Variants in PGGT1B observed in about 807,000 individuals in gnomAD.
PGGT1B encodes the protein protein geranylgeranyltransferase type I subunit beta, also known as geranylgeranyl transferase type-1 subunit beta.
Under a neutral mutation model 46.1 loss-of-function variants are expected in PGGT1B, and 30 were observed. The ratio of observed to expected loss-of-function variants is 0.65; its 90% confidence interval spans 0.49 to 0.88. The LOEUF is 0.88. Among genes scored for constraint, PGGT1B ranks in the 40% least tolerant of loss-of-function variants. PGGT1B has a pLI of 0.00. For missense variants in PGGT1B, 376 were observed against 455.9 expected, an observed-to-expected ratio of 0.82 and a Z score of 1.60; for synonymous variants, 170 against 160.0, an observed-to-expected ratio of 1.06 and a Z score of -0.47.
chr5:115,234,166 G>GT (rs35683946), intron 5 of PGGT1B, among the ~76,000 whole-genome samples: 244 of 143,704 alleles, frequency 1.7e-3, no homozygotes, highest in Non-Finnish European at 3.1e-3. Context: ...TTGTATTGGT[G>GT]TTTTTTTTTT....
chr5:115,204,023 T>C lies in PGGT1B; in HGVS notation c.*8379A>G, dbSNP rs1755986123. The stretch of plus-strand genomic sequence containing the variant: ...CATTTGAGAAAACGTTTTCTTTGCA[T>C]ATCTGAGTATTTATTATGTTTTCGA... On this transcript the variant is annotated 3_prime_UTR_variant, in exon 9 of 9. Transcript: ENST00000419445. 1.3e-5 allele frequency: 2 copies of C among 152,264 alleles called. No homozygotes were observed. The highest frequency in any genetic ancestry group is 4.2e-4 in the South Asian group (2 of 4,818). 9.4% of individuals were successfully genotyped at this position (152,264 alleles called of 1,614,324 possible).
chr5:115,243,815 T>C (rs1226339975), intron 2 of PGGT1B, among the ~76,000 whole-genome samples: 1 of 152,188 alleles, frequency 6.6e-6, no homozygotes, highest in Non-Finnish European at 1.5e-5. Context: ...TCTTTGCTGG[T>C]AGGTATCCCT....
At position 115,241,616 on chromosome 5, in the gene PGGT1B, A is replaced by G. The variant is rs1435543737; in HGVS notation, c.260-10T>C. ...CGATTTAGATTTGATCCTAGAAAATAAAAGCATGTGCTTATTTAAAGTACA... is the reference window on the plus strand; with the variant it reads ...CGATTTAGATTTGATCCTAGAAAATGAAAGCATGTGCTTATTTAAAGTACA... On this transcript the variant is annotated splice_polypyrimidine_tract_variant and intron_variant, in intron 2 of 8. Coordinates refer to ENST00000419445, the MANE Select transcript of PGGT1B (RefSeq NM_005023.4). The G allele has an allele frequency of 1.9e-6, 3 of 1,599,274 alleles. 1 individual carries two copies. Among genetic ancestry groups the G allele is most frequent in the East Asian group, 2.2e-5 (1 of 44,532 alleles).
At chr5:115,253,386 G>A in intron 1 of PGGT1B, 131 bp from the exon 2 acceptor site, 1 of 630,962 alleles carries the variant, frequency 1.6e-6, no homozygotes, top group Non-Finnish European at 2.6e-6. Flanking sequence ...CCTTGCAAAA[G>A]CAAAAAATAT....
intron 5 of PGGT1B, 67 bp downstream of exon 5, chr5:115,236,323 A>T: frequency 8.4e-7 from 1 of 1,187,488 alleles, no homozygotes; most frequent in Non-Finnish European, 1.2e-6. Flanking sequence ...TGAGACATAC[A>T]CTATAATACA....
intron 2 of PGGT1B, among the ~76,000 whole-genome samples, chr5:115,248,759 G>A (rs1417992392): frequency 6.6e-6 from 1 of 152,168 alleles, no homozygotes. Flanking sequence ...ATGTCAATCC[G>A]ATTCTATCTC....
Position 115,217,308 on chromosome 5 carries a change from TAA to T in PGGT1B, c.844-337_844-336del, listed in dbSNP as rs1278056229. 4.5e-4 allele frequency among the ~76,000 whole-genome samples: 68 copies of T among 149,692 alleles called. 1 individual carries two copies. The highest frequency in any genetic ancestry group is 8.4e-4 in the Non-Finnish European group (57 of 67,600). ...AGTACAATTTTATCTACCCATATTT[TAA>T]CTCTTATGATAAGCTCTTGAGCTAT... On this transcript the variant is annotated intron_variant, in intron 7 of 8. Coordinates refer to ENST00000419445, the MANE Select transcript of PGGT1B (RefSeq NM_005023.4).
At chr5:115,223,922 C>T (rs576549882) in intron 6 of PGGT1B, among the ~76,000 whole-genome samples, 1 of 152,148 alleles carries the variant, frequency 6.6e-6, no homozygotes, top group South Asian at 2.1e-4. Flanking sequence ...GTTCCTAATA[C>T]ATCTCATGCC....
intron 1 of PGGT1B, among the ~76,000 whole-genome samples, chr5:115,255,548 T>C (rs1748274888): frequency 6.6e-6 from 1 of 152,126 alleles, no homozygotes; most frequent in Non-Finnish European, 1.5e-5. Context: ...CATCTACTAA[T>C]ACAGTTTATT....
chr5:115,242,523 A>G (rs904581104), intron 2 of PGGT1B, among the ~76,000 whole-genome samples: 3 of 152,220 alleles, frequency 2.0e-5, no homozygotes, highest in Non-Finnish European at 4.4e-5. Context: ...CTACTTCTGC[A>G]TTAGGTACTA....
At chr5:115,254,730 T>A (rs1011663990) in intron 1 of PGGT1B, among the ~76,000 whole-genome samples, 6 of 151,876 alleles carry the variant, frequency 4.0e-5, no homozygotes, top group Non-Finnish European at 7.4e-5. Flanking sequence ...GGGCAAAAAC[T>A]AAAACTACAG....
At chr5:115,244,228 G>A (rs1306316060) in intron 2 of PGGT1B, among the ~76,000 whole-genome samples, 2 of 152,048 alleles carry the variant, frequency 1.3e-5, no homozygotes, top group Non-Finnish European at 2.9e-5. Flanking sequence ...CACTTTGGGA[G>A]GCCGAGACGG....
rs777504464 is a variant in PGGT1B at position 115,253,274 on chromosome 5, A to C, written c.141-19T>G. 3 of 1,567,188 alleles carry C rather than the reference A, an allele frequency of 1.9e-6. No individual in the cohort carries two copies. The African/African-American group carries it at 4.2e-5, about 22-fold the overall frequency. ...TGTCAACCTAAAAGAAAAAAATGTA[A>C]AATTCCATCTTAACTATCATACCAC... On this transcript the variant is annotated intron_variant, in intron 1 of 8. Coordinates refer to ENST00000419445, the MANE Select transcript of PGGT1B (RefSeq NM_005023.4).
At chr5:115,225,267 A>G (rs1042386868) in intron 6 of PGGT1B, among the ~76,000 whole-genome samples, 1 of 152,234 alleles carries the variant, frequency 6.6e-6, no homozygotes, top group Non-Finnish European at 1.5e-5. Flanking sequence ...TGCTTCAGTT[A>G]TATGGAGAAT....
chr5:115,233,813 G>T lies in PGGT1B; in HGVS notation c.612+2577C>A, dbSNP rs187365787. 8.1e-3 allele frequency among the ~76,000 whole-genome samples: 1,225 copies of T among 152,112 alleles called. 11 individuals are homozygous for T. The highest frequency in any genetic ancestry group is 0.014 in the Middle Eastern group (4 of 294). On this transcript the variant is annotated intron_variant, in intron 5 of 8. Transcript: ENST00000419445. ...ACGCTTTTTATTGGTGAGGCTATGTGAAAACAGGCACTCTCTTATATTGGT... is the reference window on the plus strand; with the variant it reads ...ACGCTTTTTATTGGTGAGGCTATGTTAAAACAGGCACTCTCTTATATTGGT...
At chr5:115,222,890 T>C (rs1756629572) in intron 6 of PGGT1B, among the ~76,000 whole-genome samples, 1 of 152,128 alleles carries the variant, frequency 6.6e-6, no homozygotes, top group Non-Finnish European at 1.5e-5. Context: ...ACACCGCATG[T>C]TCTCACTCAT....
At chr5:115,218,399 A>G (rs558867634) in intron 7 of PGGT1B, among the ~76,000 whole-genome samples, 25 of 97,548 alleles carry the variant, frequency 2.6e-4, no homozygotes, top group South Asian at 1.2e-3. Flanking sequence ...GTGTGTGTGT[A>G]TATATATATA....
intron 8 of PGGT1B, among the ~76,000 whole-genome samples, chr5:115,212,911 G>A (rs1276779805): frequency 1.3e-5 from 2 of 152,138 alleles, no homozygotes; most frequent in Admixed American, 6.5e-5. Context: ...ACTTTGGGGA[G>A]TTTCCCCTCT....
At chr5:115,222,303 C>T (rs957155059) in intron 6 of PGGT1B, among the ~76,000 whole-genome samples, 5 of 152,022 alleles carry the variant, frequency 3.3e-5, no homozygotes, top group Non-Finnish European at 7.4e-5. Flanking sequence ...AACTAAAGTC[C>T]GGGACTGCTA....
Sources: gnomAD v4.1 joint callset for allele counts (sites outside exome capture counted in the v4.1 genomes callset) on GRCh38, gnomAD v4.1.1 for gene constraint, MANE v1.5 for transcripts, NCBI Gene and HGNC (gene_info 2026-07-23, HGNC 2026-07-21) for gene names.